MAP1LC3B2: variants seen among roughly 807,000 people sequenced by gnomAD.
MAP1LC3B2 encodes microtubule associated protein 1 light chain 3 beta 2, also known as microtubule-associated protein 1 light chain 3 beta 2.
For synonymous variants in MAP1LC3B2, 62 were observed against 57.8 expected (o/e 1.07, Z -0.33); for missense variants, 155 against 154.6 (o/e 1.00, Z -0.01).
intron 1 of MAP1LC3B2, among the ~76,000 whole-genome samples, chr12:116,569,607 G>A (rs1224852165): frequency 6.6e-6 from 1 of 152,158 alleles, no homozygotes; most frequent in African/African-American, 2.4e-5. Flanking sequence ...GTTGGAATAT[G>A]CACGTAGGTA....
chr12:116,575,449 G>A (rs979074273), intron 1 of MAP1LC3B2, among the ~76,000 whole-genome samples: 31 of 152,232 alleles, frequency 2.0e-4, no homozygotes, highest in African/African-American at 7.2e-4. Flanking sequence ...CAAATGATCA[G>A]TATCTTTAAA....
chr12:116,562,116 A>G (rs1869287566), intron 1 of MAP1LC3B2, among the ~76,000 whole-genome samples: 1 of 152,138 alleles, frequency 6.6e-6, no homozygotes, highest in African/African-American at 2.4e-5. Context: ...AAAGAAATTC[A>G]CTTTCTCTTG....
chr12:116,560,435 C>T lies in MAP1LC3B2; in HGVS notation c.-102+1002C>T, dbSNP rs1011733756. ...CTAATTTTTGTATTTTTAGTAGAGACGAGGTTTCGCCATGTTGGCCAGGCT... is the reference window on the plus strand; with the variant it reads ...CTAATTTTTGTATTTTTAGTAGAGATGAGGTTTCGCCATGTTGGCCAGGCT... On this transcript the variant is annotated intron_variant, in intron 1 of 1. Transcript: ENST00000556529. Among the ~76,000 whole-genome samples the T allele has an allele frequency of 5.5e-4, 84 of 151,598 alleles. 1 individual carries two copies. Among genetic ancestry groups the T allele is most frequent in the African/African-American group, 1.8e-3 (76 of 41,334 alleles).
intron 1 of MAP1LC3B2, among the ~76,000 whole-genome samples, chr12:116,562,488 C>G (rs1490594102): frequency 6.6e-6 from 1 of 152,194 alleles, no homozygotes; most frequent in Non-Finnish European, 1.5e-5. Context: ...CATAAAATCA[C>G]TAGTAAGTCC....
chr12:116,564,465 C>T (rs1176294926), intron 1 of MAP1LC3B2, among the ~76,000 whole-genome samples: 1 of 151,902 alleles, frequency 6.6e-6, no homozygotes, highest in African/African-American at 2.4e-5. Context: ...CTAAAGCTGG[C>T]TTAGGCCTAC....
chr12:116,565,432 C>T (rs1024764709), intron 1 of MAP1LC3B2, among the ~76,000 whole-genome samples: 1 of 152,204 alleles, frequency 6.6e-6, no homozygotes, highest in African/African-American at 2.4e-5. Context: ...ATCTCATTCA[C>T]ACATCTTATT....
chr12:116,568,651 A>G (rs1255944757), intron 1 of MAP1LC3B2, among the ~76,000 whole-genome samples: 1 of 152,066 alleles, frequency 6.6e-6, no homozygotes, highest in African/African-American at 2.4e-5. Context: ...GGTAATTAGG[A>G]TTAGATAAAG....
At chr12:116,566,224 C>A (rs1869382247) in intron 1 of MAP1LC3B2, among the ~76,000 whole-genome samples, 1 of 152,190 alleles carries the variant, frequency 6.6e-6, no homozygotes, top group Non-Finnish European at 1.5e-5. Context: ...ACAAAACATG[C>A]AGCAAAATGC....
In MAP1LC3B2 at chr12:116,571,458, CTTTTTTTTTTTTTTTTTTTTTTTTT is replaced by C. The variant is rs71095564; in HGVS notation, c.-101-4368_-101-4344del. On this transcript the variant is annotated intron_variant, in intron 1 of 1. Transcript: ENST00000556529. ...TAGATGGGAGTAAGGGACTGCTGTT[CTTTTTTTTTTTTTTTTTTTTTTTTT>C]TTTTTTTTTTTTTTTGAGACGGAGT... Among the ~76,000 whole-genome samples, 9 of 48,104 alleles carry C rather than the reference CTTTTTTTTTTTTTTTTTTTTTTTTT, an allele frequency of 1.9e-4. No homozygotes were observed. In the East Asian group the frequency reaches 6.2e-3, roughly 33 times the overall value. 31.6% of individuals were successfully genotyped at this position (48,104 alleles called of 152,430 possible). A position where few individuals can be genotyped will look rare whatever the true frequency, so the allele number is the denominator to read the frequency against.
chr12:116,572,927 TTTTG>T (rs1208231597), intron 1 of MAP1LC3B2, among the ~76,000 whole-genome samples: 1 of 152,046 alleles, frequency 6.6e-6, no homozygotes, highest in Non-Finnish European at 1.5e-5. Flanking sequence ...GGCGGATTTT[TTTTG>T]TTTGTTTTTC....
At chr12:116,564,787 A>G (rs919651425) in intron 1 of MAP1LC3B2, among the ~76,000 whole-genome samples, 1 of 152,138 alleles carries the variant, frequency 6.6e-6, no homozygotes, top group Non-Finnish European at 1.5e-5. Context: ...TCCATATATT[A>G]TAATCTCTCT....
chr12:116,560,219 T>C (rs1431126129), intron 1 of MAP1LC3B2: 2 of 89,058 alleles, frequency 2.2e-5, no homozygotes, highest in South Asian at 9.2e-4. Flanking sequence ...TATATATATA[T>C]ATATATATAT....
In MAP1LC3B2 at chr12:116,575,952, GAGA is replaced by G. The variant is rs1209532080; in HGVS notation, c.14_16del (p.Lys5del). ...CCCAGATCCCCACACCATGCCGTCG[GAGA>G]AGACCTTCAAGCAGCGGCGCACCTT... On this transcript the variant is annotated inframe_deletion, in exon 2 of 2. Coordinates refer to ENST00000556529, the MANE Select transcript of MAP1LC3B2 (RefSeq NM_001085481.3). 6.2e-7 allele frequency: 1 copy of G among 1,614,096 alleles called. No homozygotes were observed. The highest frequency in any genetic ancestry group is 1.7e-5 in the Admixed American group (1 of 60,002).
chr12:116,573,140 T>G lies in MAP1LC3B2; in HGVS notation c.-101-2702T>G, dbSNP rs1011525395. On this transcript the variant is annotated intron_variant, in intron 1 of 1. Transcript: ENST00000556529. ...CGTTTCACCACGTTGTCCAGGCTGT[T>G]CTCAAACTTCTGATCTTAGGTGATC... 3.9e-5 allele frequency among the ~76,000 whole-genome samples: 6 copies of G among 152,196 alleles called. No individual in the cohort carries two copies. The East Asian group carries it at 7.7e-4, about 20-fold the overall frequency.
At position 116,565,981 on chromosome 12, in the gene MAP1LC3B2, G is replaced by A. The variant is rs77693169; in HGVS notation, c.-102+6548G>A. On this transcript the variant is annotated intron_variant, in intron 1 of 1. Coordinates refer to ENST00000556529, the MANE Select transcript of MAP1LC3B2 (RefSeq NM_001085481.3). The stretch of plus-strand genomic sequence containing the variant: ...TTTCACCACAAGGCTGCATGAATTC[G>A]TTCTTTCCCCTGACATCTCTGCCTT... Among the ~76,000 whole-genome samples, 925 of 152,264 alleles carry A rather than the reference G, an allele frequency of 6.1e-3. 6 individuals are homozygous for A. Among genetic ancestry groups the A allele is most frequent in the African/African-American group, 0.02 (828 of 41,558 alleles).
intron 1 of MAP1LC3B2, among the ~76,000 whole-genome samples, chr12:116,567,448 CTTT>C (rs35722581): frequency 6.3e-5 from 8 of 127,802 alleles, no homozygotes; most frequent in East Asian, 2.2e-4. Flanking sequence ...CTTTGCAAAT[CTTT>C]TTTTTTTTTT....
Position 116,560,612 on chromosome 12 carries a change from A to G in MAP1LC3B2, c.-102+1179A>G, listed in dbSNP as rs539961445. On this transcript the variant is annotated intron_variant, in intron 1 of 1. Transcript: ENST00000556529. ...CACACCTCCACCAAAAAAAGAAAAG[A>G]TATGTCCACAGTCTAATGTGCTGCA... Among the ~76,000 whole-genome samples the G allele has an allele frequency of 3.3e-5, 5 of 152,234 alleles. No individual in the cohort carries two copies. In the East Asian group the frequency reaches 9.7e-4, roughly 29 times the overall value.
chr12:116,570,092 G>T (rs1025647894), intron 1 of MAP1LC3B2, among the ~76,000 whole-genome samples: 1 of 151,982 alleles, frequency 6.6e-6, no homozygotes, highest in Non-Finnish European at 1.5e-5. Context: ...TACCCAAAAT[G>T]CATACCCACA....
intron 1 of MAP1LC3B2, among the ~76,000 whole-genome samples, chr12:116,568,321 C>A (rs1248810889): frequency 6.6e-6 from 1 of 152,232 alleles, no homozygotes; most frequent in African/African-American, 2.4e-5. Context: ...TCACATGTGG[C>A]CACAGCCTAA....
Sources: gnomAD v4.1 joint callset for allele counts (sites outside exome capture counted in the v4.1 genomes callset) on GRCh38, gnomAD v4.1.1 for gene constraint, MANE v1.5 for transcripts, NCBI Gene and HGNC (gene_info 2026-07-23, HGNC 2026-07-21) for gene names.